Variants in FAM24B observed in about 807,000 individuals in gnomAD.
The protein encoded by FAM24B is family with sequence similarity 24 member B.
In FAM24B, 3 loss-of-function variants were observed where a neutral mutation model predicts 2.3. The observed-to-expected ratio is 1.29, with a 90% CI of 0.59 to 3.32. The LOEUF (loss-of-function observed/expected upper bound fraction) is 3.32. Among genes scored for constraint, FAM24B ranks in the 30% most tolerant of loss-of-function variants. The pLI is 0.03. For missense variants in FAM24B, 98 were observed against 117.2 expected (o/e 0.84, Z 0.76); for synonymous variants, 36 against 46.3 (o/e 0.78, Z 0.90).
intron 1 of FAM24B, among the ~76,000 whole-genome samples, chr10:122,864,396 C>T (rs1847768836): frequency 1.3e-5 from 2 of 152,120 alleles, no homozygotes; most frequent in South Asian, 4.1e-4. Context: ...CATAATATCA[C>T]TGAGGTCTGT....
intron 1 of FAM24B, among the ~76,000 whole-genome samples, chr10:122,860,041 T>C (rs1199504806): frequency 6.6e-6 from 1 of 152,058 alleles, no homozygotes; most frequent in Non-Finnish European, 1.5e-5. Flanking sequence ...GGTCTGACTT[T>C]TTTTTTTTAA....
At chr10:122,852,356 G>A (rs552532071) in intron 2 of FAM24B, among the ~76,000 whole-genome samples, 2 of 152,304 alleles carry the variant, frequency 1.3e-5, no homozygotes, top group East Asian at 3.9e-4. Context: ...CCTGGATGAT[G>A]AATAGGGACT....
intron 1 of FAM24B, among the ~76,000 whole-genome samples, chr10:122,875,112 G>T (rs761342986): frequency 1.6e-4 from 25 of 152,250 alleles, no homozygotes; most frequent in Non-Finnish European, 3.1e-4. Flanking sequence ...CTGTCCAGCA[G>T]TTCTTGGATA....
intron 1 of FAM24B, among the ~76,000 whole-genome samples, chr10:122,865,105 T>C (rs1421719134): frequency 6.6e-6 from 1 of 152,236 alleles, no homozygotes; most frequent in East Asian, 1.9e-4. Flanking sequence ...TGAGTCATTA[T>C]GTACCATTTA....
chr10:122,861,144 G>A (rs1264327166), intron 1 of FAM24B, among the ~76,000 whole-genome samples: 1 of 152,032 alleles, frequency 6.6e-6, no homozygotes, highest in Admixed American at 6.5e-5. Flanking sequence ...TCTTCTGTAT[G>A]TTTTATAGTT....
Position 122,855,785 on chromosome 10 carries a change from A to C in FAM24B, c.-176T>G, listed in dbSNP as rs1347976762. On this transcript the variant is annotated splice_region_variant and 5_prime_UTR_variant, in exon 2 of 4. Coordinates refer to ENST00000368898, the MANE Select transcript of FAM24B (RefSeq NM_152644.3). ...CTTCCCATCTCACCACTTCTAAGGCAACTGGAGAGGGGAAAAGAGAACAGC... is the reference window on the plus strand; with the variant it reads ...CTTCCCATCTCACCACTTCTAAGGCCACTGGAGAGGGGAAAAGAGAACAGC... 6.6e-6 allele frequency: 1 copy of C among 152,208 alleles called. No homozygotes were observed. Among genetic ancestry groups the C allele is most frequent in the Non-Finnish European group, 1.5e-5 (1 of 68,046 alleles). 9.4% of individuals were successfully genotyped at this position (152,208 alleles called of 1,614,324 possible).
chr10:122,879,101 G>T (rs1055214123), intron 1 of FAM24B, among the ~76,000 whole-genome samples: 7 of 152,230 alleles, frequency 4.6e-5, no homozygotes, highest in African/African-American at 1.7e-4. Flanking sequence ...TCCCTCAGGC[G>T]ACCGCTCCAT....
At position 122,865,411 on chromosome 10, in the gene FAM24B, T is replaced by C. The variant is rs565003805; in HGVS notation, c.-177-9625A>G. On this transcript the variant is annotated intron_variant, in intron 1 of 3. Transcript: ENST00000368898. ...TTCTTTATGTGATAGGTTACACTAA[T>C]TGGTTTTCAATATTCAACCAGAAAC... Among the ~76,000 whole-genome samples, 130 of 152,338 alleles carry C rather than the reference T, an allele frequency of 8.5e-4. 2 individuals are homozygous for C. The highest frequency in any genetic ancestry group is 3.0e-3 in the African/African-American group (123 of 41,584).
intron 1 of FAM24B, among the ~76,000 whole-genome samples, chr10:122,871,809 T>C (rs1310903755): frequency 1.3e-5 from 2 of 152,102 alleles, no homozygotes; most frequent in East Asian, 3.9e-4. Context: ...AAGACTTACA[T>C]GTTAGACCTA....
intron 1 of FAM24B, among the ~76,000 whole-genome samples, chr10:122,866,818 A>G (rs532444703): frequency 6.6e-6 from 1 of 152,278 alleles, no homozygotes; most frequent in Non-Finnish European, 1.5e-5. Context: ...TATCGAAATG[A>G]TAACAATTAA....
chr10:122,875,845 T>C (rs1192078265), intron 1 of FAM24B, among the ~76,000 whole-genome samples: 3 of 151,946 alleles, frequency 2.0e-5, no homozygotes, highest in African/African-American at 7.3e-5. Context: ...AGAGGCAAAA[T>C]GGCAGAGTTT....
rs1847481989 is a variant in FAM24B at position 122,849,135 on chromosome 10, A to G, written c.*112T>C. Reference sequence around the variant, plus strand: ...ACATTTATTCAAAAGTATATAAAACAACACTGTAAATTATATAATCTCACA... The same window carrying G: ...ACATTTATTCAAAAGTATATAAAACGACACTGTAAATTATATAATCTCACA... On this transcript the variant is annotated 3_prime_UTR_variant, in exon 4 of 4. Coordinates refer to ENST00000368898, the MANE Select transcript of FAM24B (RefSeq NM_152644.3). 1.3e-6 allele frequency: 1 copy of G among 753,790 alleles called. No homozygotes were observed. The highest frequency in any genetic ancestry group is 3.6e-5 in the South Asian group (1 of 28,094). The allele number at this position is 753,790 out of a possible 1,614,324, so 46.7% of individuals were successfully genotyped here. A position where few individuals can be genotyped will look rare whatever the true frequency, so the allele number is the denominator to read the frequency against.
intron 1 of FAM24B, among the ~76,000 whole-genome samples, chr10:122,866,006 G>A (rs922355054): frequency 1.3e-5 from 2 of 151,498 alleles, no homozygotes; most frequent in African/African-American, 4.9e-5. Context: ...GGGTTCAAGC[G>A]ATTCTCCTGC....
Position 122,849,404 on chromosome 10 carries a change from T to A in FAM24B, c.128A>T (p.Asn43Ile). The A allele has an allele frequency of 6.2e-7, 1 of 1,611,774 alleles. No individual in the cohort carries two copies. The highest frequency in any genetic ancestry group is 8.5e-7 in the Non-Finnish European group (1 of 1,179,182). ...CCACCACACCTTGTCTGGGTTGTGA[T>A]TTTTTACAGCCACAGCTTCAGGTTC... ...AKEPEAVAVK[N>I]HNPDKVWWAK... The change falls in exon 4 of 4, where the codon AAT becomes ATT. Residue 43 changes from asparagine (N) to isoleucine (I), a missense_variant. Transcript: ENST00000368898.
At chr10:122,861,977 TCA>T (rs1847731382) in intron 1 of FAM24B, among the ~76,000 whole-genome samples, 2 of 152,196 alleles carry the variant, frequency 1.3e-5, no homozygotes. Context: ...CTCTTTTCTG[TCA>T]CCACCTCCCA....
chr10:122,867,277 T>C (rs1025952493), intron 1 of FAM24B, among the ~76,000 whole-genome samples: 2 of 152,100 alleles, frequency 1.3e-5, no homozygotes. Flanking sequence ...CTTAAGTAGG[T>C]AAACAAAGCA....
In FAM24B at chr10:122,849,457, A is replaced by G. The variant is rs1847489815; in HGVS notation, c.93-18T>C. ...TTGCAGCTCTTGAGAAAAGACACAC[A>G]CAAAGCACAGGCTTAGAATTTTTCT... On this transcript the variant is annotated intron_variant, in intron 3 of 3. Transcript: ENST00000368898. 6.3e-7 allele frequency: 1 copy of G among 1,595,778 alleles called. No homozygotes were observed. The highest frequency in any genetic ancestry group is 8.5e-7 in the Non-Finnish European group (1 of 1,170,510).
At chr10:122,857,983 C>T (rs935561048) in intron 1 of FAM24B, among the ~76,000 whole-genome samples, 1 of 152,198 alleles carries the variant, frequency 6.6e-6, no homozygotes, top group Non-Finnish European at 1.5e-5. Context: ...GTGGTGACTA[C>T]TTAAGAGTGT....
At chr10:122,863,861 G>A (rs1312528138) in intron 1 of FAM24B, among the ~76,000 whole-genome samples, 6 of 152,214 alleles carry the variant, frequency 3.9e-5, no homozygotes, top group African/African-American at 1.2e-4. Flanking sequence ...CTAAAAAGGA[G>A]AGAGATAATG....
Sources: allele counts gnomAD v4.1 joint callset (sites outside exome capture counted in the v4.1 genomes callset), GRCh38; gene constraint gnomAD v4.1.1; transcripts MANE v1.5; gene names NCBI Gene and HGNC (gene_info 2026-07-23, HGNC 2026-07-21).